The following ABLIM3 variants were observed in gnomAD, a reference collection of about 807,000 sequenced individuals.
ABLIM3 encodes actin-binding LIM protein 3.
ABLIM3 carries 61 observed loss-of-function variants against 109.5 expected under a neutral mutation model. The observed-to-expected ratio is 0.56, with a 90% confidence interval of 0.45 to 0.69. The LOEUF (loss-of-function observed/expected upper bound fraction) is 0.69. Among genes scored for constraint, ABLIM3 ranks in the 30% least tolerant of loss-of-function variants. The probability of loss-of-function intolerance (pLI) is 0.00; values close to 1 mark genes in which losing one functional copy is unlikely to be tolerated. For missense variants in ABLIM3, 796 were observed against 889.5 expected, an observed-to-expected ratio of 0.89 and a Z score of 1.34; for synonymous variants, 300 against 324.8, an observed-to-expected ratio of 0.92 and a Z score of 0.82.
chr5:149,172,328 G>A (rs1317938670), intron 2 of ABLIM3, among the ~76,000 whole-genome samples: 1 of 152,148 alleles, frequency 6.6e-6, no homozygotes, highest in African/African-American at 2.4e-5. Flanking sequence ...TGAAACTTTT[G>A]TTTCACATAT....
intron 7 of ABLIM3, 104 bp downstream of exon 7, chr5:149,210,923 G>A (rs1158651219): frequency 9.6e-7 from 1 of 1,039,220 alleles, no homozygotes; most frequent in East Asian, 2.4e-5. Context: ...TTTTTCCATA[G>A]CCTTTACCTC....
rs942194278 is a variant in ABLIM3 at position 149,255,939 on chromosome 5, C to T, written c.1939-2352C>T. Among the ~76,000 whole-genome samples the T allele has an allele frequency of 2.6e-5, 4 of 152,314 alleles. No individual in the cohort carries two copies. In the East Asian group the frequency reaches 7.7e-4, roughly 29 times the overall value. On this transcript the variant is annotated intron_variant, in intron 23 of 23. Coordinates refer to ENST00000309868, the MANE Select transcript of ABLIM3 (RefSeq NM_014945.5). ...CCTCATGGTATTCATGGTGGAGACA[C>T]TAGGATGCTCCCATTTTCCAGAAAA...
intron 8 of ABLIM3, among the ~76,000 whole-genome samples, chr5:149,224,591 C>T (rs1025431902): frequency 9.2e-5 from 14 of 152,192 alleles, no homozygotes; most frequent in Admixed American, 2.6e-4. Flanking sequence ...CCTCGCTCAC[C>T]CAGGCCCCAG....
intron 7 of ABLIM3, among the ~76,000 whole-genome samples, chr5:149,214,047 C>A (rs1455262767): frequency 6.6e-6 from 1 of 152,210 alleles, no homozygotes; most frequent in Non-Finnish European, 1.5e-5. Flanking sequence ...AGGAAATAGA[C>A]ATGGCTGCAG....
At chr5:149,232,378 G>A (rs1011400) in intron 9 of ABLIM3, among the ~76,000 whole-genome samples, 134 of 152,034 alleles carry the variant, frequency 8.8e-4, no homozygotes, top group Non-Finnish European at 1.3e-3. Flanking sequence ...AAACTGAGAC[G>A]GCCTCCTTGA....
chr5:149,163,481 G>T (rs577455398), intron 2 of ABLIM3, among the ~76,000 whole-genome samples: 1 of 152,236 alleles, frequency 6.6e-6, no homozygotes, highest in South Asian at 2.1e-4. Flanking sequence ...CACAGTTCTG[G>T]GTTCTAGAAG....
intron 18 of ABLIM3, among the ~76,000 whole-genome samples, chr5:149,248,586 G>A (rs62378085): frequency 6.6e-6 from 1 of 151,526 alleles, no homozygotes; most frequent in Non-Finnish European, 1.5e-5. Flanking sequence ...AACTACTCGG[G>A]AGGCTGAGGC....
chr5:149,194,207 A>G (rs1042023743), intron 3 of ABLIM3, among the ~76,000 whole-genome samples: 2 of 152,248 alleles, frequency 1.3e-5, no homozygotes, highest in African/African-American at 4.8e-5. Flanking sequence ...AAATATATTA[A>G]GAATTTCTAC....
At chr5:149,188,556 G>A (rs1452152107) in intron 3 of ABLIM3, among the ~76,000 whole-genome samples, 1 of 152,192 alleles carries the variant, frequency 6.6e-6, no homozygotes, top group Non-Finnish European at 1.5e-5. Flanking sequence ...TATTAAGATG[G>A]CAGCACTGGC....
At chr5:149,203,550 A>G (rs1457210149) in intron 5 of ABLIM3, among the ~76,000 whole-genome samples, 1 of 151,930 alleles carries the variant, frequency 6.6e-6, no homozygotes, top group African/African-American at 2.4e-5. Flanking sequence ...CATCACTACC[A>G]TCACCACCCT....
intron 8 of ABLIM3, among the ~76,000 whole-genome samples, chr5:149,227,902 A>G (rs1004821650): frequency 1.3e-5 from 2 of 152,260 alleles, no homozygotes; most frequent in South Asian, 2.1e-4. Context: ...TCCTGCAGAT[A>G]TATCTGTAGG....
intron 2 of ABLIM3, among the ~76,000 whole-genome samples, chr5:149,163,009 C>T (rs567620386): frequency 4.5e-4 from 69 of 152,304 alleles, no homozygotes; most frequent in South Asian, 1.0e-3. Flanking sequence ...TTTCTCCTGC[C>T]GGAGGGGAGC....
chr5:149,191,843 C>A (rs1321148996), intron 3 of ABLIM3, among the ~76,000 whole-genome samples: 1 of 152,174 alleles, frequency 6.6e-6, no homozygotes, highest in Non-Finnish European at 1.5e-5. Flanking sequence ...TTAACACCCA[C>A]TTATACCTAG....
intron 20 of ABLIM3, 25 bp downstream of exon 20, chr5:149,250,530 G>A: frequency 6.2e-7 from 1 of 1,613,924 alleles, no homozygotes; most frequent in Non-Finnish European, 8.5e-7. Context: ...TGGAGGATGG[G>A]GGAGGACGTT....
intron 8 of ABLIM3, among the ~76,000 whole-genome samples, chr5:149,221,261 A>C (rs911229933): frequency 5.3e-5 from 8 of 152,206 alleles, no homozygotes; most frequent in Admixed American, 4.6e-4. Context: ...CACAGAGAGC[A>C]ACCATATGCC....
intron 2 of ABLIM3, among the ~76,000 whole-genome samples, chr5:149,164,947 C>T (rs1163519729): frequency 6.6e-6 from 1 of 152,220 alleles, no homozygotes; most frequent in African/African-American, 2.4e-5. Flanking sequence ...AACTGGCTCA[C>T]TGTGAATCGA....
intron 23 of ABLIM3, 41 bp from the exon 24 acceptor site, chr5:149,258,249 CT>C: frequency 2.5e-6 from 4 of 1,585,616 alleles, no homozygotes; most frequent in Non-Finnish European, 3.5e-6. Flanking sequence ...ATGCTGCTCT[CT>C]TTCTCTGTCC....
chr5:149,251,259 G>T, intron 20 of ABLIM3, 100 bp from the exon 21 acceptor site: 1 of 1,340,248 alleles, frequency 7.5e-7, no homozygotes, highest in Non-Finnish European at 1.1e-6. Context: ...AAGGCCCTAT[G>T]TCCCACAAGC....
At chr5:149,225,193 A>C (rs576642474) in intron 8 of ABLIM3, among the ~76,000 whole-genome samples, 6 of 152,234 alleles carry the variant, frequency 3.9e-5, no homozygotes, top group African/African-American at 1.4e-4. Flanking sequence ...TTTAAAGCGC[A>C]CAATTCGGTA....
Sources: gnomAD v4.1 joint callset for allele counts (sites outside exome capture counted in the v4.1 genomes callset) on GRCh38, gnomAD v4.1.1 for gene constraint, MANE v1.5 for transcripts, NCBI Gene and HGNC (gene_info 2026-07-23, HGNC 2026-07-21) for gene names.